The following NYAP2 variants were observed in gnomAD, a reference collection of about 807,000 sequenced individuals.
NYAP2 encodes the protein neuronal tyrosine-phosphorylated phosphoinositide-3-kinase adaptor 2, also known as neuronal tyrosine-phosphorylated phosphoinositide-3-kinase adapter 2.
A neutral mutation model predicts 50.4 loss-of-function variants in NYAP2; 23 were observed. The ratio of observed to expected loss-of-function variants is 0.46; its 90% CI spans 0.33 to 0.65. NYAP2 has a LOEUF of 0.65. NYAP2 is among the 30% of genes least tolerant of loss of function. The pLI is 0.02. For synonymous variants in NYAP2, 394 were observed against 365.2 expected, an observed-to-expected ratio of 1.08 and a Z score of -0.90; for missense variants, 885 against 861.0, an observed-to-expected ratio of 1.03 and a Z score of -0.35.
At chr2:225,653,389 T>G (rs1024673212) in exon 7 of NYAP2, 1 of 152,232 alleles carries the variant, frequency 6.6e-6, no homozygotes, top group Non-Finnish European at 1.5e-5. Context: ...ACTTCCAGAA[T>G]AGAGACAAGG....
chr2:225,463,795 A>T (rs558705904), intron 3 of NYAP2, among the ~76,000 whole-genome samples: 4 of 152,330 alleles, frequency 2.6e-5, no homozygotes, highest in Admixed American at 6.5e-5. Flanking sequence ...CAATAGCAGG[A>T]TAAGCACAGA....
intron 3 of NYAP2, among the ~76,000 whole-genome samples, chr2:225,483,792 G>A (rs376676579): frequency 6.6e-6 from 1 of 152,136 alleles, no homozygotes; most frequent in Admixed American, 6.5e-5. Context: ...AAATGTTATA[G>A]CCCTTTCCAT....
At chr2:225,695,948 T>C in the NYAP2 span, among the ~76,000 whole-genome samples, 1 of 151,960 alleles carries the variant, frequency 6.6e-6, no homozygotes, top group African/African-American at 2.4e-5. Context: ...GCAAGATATT[T>C]ATCTGAGAGT....
At chr2:225,410,994 C>T (rs1486765171) in intron 3 of NYAP2, among the ~76,000 whole-genome samples, 2 of 152,064 alleles carry the variant, frequency 1.3e-5, no homozygotes, top group Non-Finnish European at 2.9e-5. Context: ...ATGTTAATAG[C>T]ATAAAAGTAA....
intron 4 of NYAP2, among the ~76,000 whole-genome samples, chr2:225,524,721 C>T (rs1453073497): frequency 1.3e-5 from 2 of 152,030 alleles, no homozygotes; most frequent in African/African-American, 4.8e-5. Context: ...CAAAAGCAAA[C>T]ACAACAAAAA....
chr2:225,667,949 A>G, the NYAP2 span, among the ~76,000 whole-genome samples: 1 of 152,148 alleles, frequency 6.6e-6, no homozygotes, highest in African/African-American at 2.4e-5. Context: ...CTTCTAAACA[A>G]TCAAACTCAA....
intron 4 of NYAP2, among the ~76,000 whole-genome samples, chr2:225,563,893 G>T (rs1288686310): frequency 6.6e-6 from 1 of 151,958 alleles, no homozygotes; most frequent in African/African-American, 2.4e-5. Flanking sequence ...GATGTTTAAG[G>T]TATGACTTGG....
intron 5 of NYAP2, among the ~76,000 whole-genome samples, chr2:225,585,406 A>C (rs1692372313): frequency 6.6e-6 from 1 of 152,258 alleles, no homozygotes; most frequent in African/African-American, 2.4e-5. Context: ...TAACTAATGA[A>C]GCTATTTCAA....
In NYAP2 at chr2:225,582,103, C is replaced by G; in HGVS notation, c.686C>G (p.Ser229Cys). 2 of 1,614,004 alleles carry G rather than the reference C, an allele frequency of 1.2e-6. No individual in the cohort carries two copies. The highest frequency in any genetic ancestry group is 1.7e-6 in the Non-Finnish European group (2 of 1,179,876). Residue 229 changes from serine (S) to cysteine (C), a missense_variant, in exon 5 of 7, where the codon TCC becomes TGC. By Grantham distance (112) the Ser-to-Cys change is moderately radical. Coordinates refer to ENST00000636099, the Ensembl canonical transcript of NYAP2. The surrounding 1 kb of genome is among the most constrained non-coding windows in gnomAD (Gnocchi z 7.0). Reference sequence around the variant, plus strand: ...TCGCTGCCGCGGGACTCCTCCTTGTCCCAGATGGGCAGCCCCGCGGGAGAC... The same window carrying G: ...TCGCTGCCGCGGGACTCCTCCTTGTGCCAGATGGGCAGCCCCGCGGGAGAC...
intron 4 of NYAP2, among the ~76,000 whole-genome samples, chr2:225,551,073 C>T (rs79929759): frequency 0.011 from 1,727 of 152,236 alleles, 38 homozygotes; most frequent in African/African-American, 0.038. Context: ...ATTCCCATAA[C>T]GGGTCTTACT....
rs190287743 is a variant in NYAP2, at chr2:225,495,133, T to A, written c.222-18238T>A. Among the ~76,000 whole-genome samples the A allele has an allele frequency of 2.8e-4, 42 of 152,324 alleles. No individual in the cohort carries two copies. The East Asian group carries it at 8.1e-3, about 29-fold the overall frequency. ...CAATTATTCTACTAAAATAGTCTTG[T>A]AAATGCTCAGAACCATGTTGAGACC... is the stretch of plus-strand genomic sequence containing the variant. On this transcript the variant is annotated intron_variant, in intron 3 of 6. Transcript: ENST00000636099.
rs1695175170 is a variant in NYAP2, at chr2:225,419,195, G to A, written c.221+10094G>A. Among the ~76,000 whole-genome samples the A allele has an allele frequency of 9.2e-5, 14 of 152,132 alleles. No individual in the cohort carries two copies. The South Asian group carries it at 2.9e-3, about 32-fold the overall frequency. Reference sequence around the variant, plus strand: ...GGCAGAGATGACAGTCACAAATCCTGTAATACAAGAAGGAAGATAAAAGGC... The same window carrying A: ...GGCAGAGATGACAGTCACAAATCCTATAATACAAGAAGGAAGATAAAAGGC... On this transcript the variant is annotated intron_variant, in intron 3 of 6. Coordinates refer to ENST00000636099, the Ensembl canonical transcript of NYAP2.
intron 2 of NYAP2, among the ~76,000 whole-genome samples, chr2:225,407,240 A>G (rs1694956715): frequency 6.6e-6 from 1 of 152,022 alleles, no homozygotes; most frequent in Non-Finnish European, 1.5e-5. Context: ...GCATTAATTT[A>G]CTATTCTTCA....
chr2:225,602,317 A>G (rs1692706024), intron 5 of NYAP2, among the ~76,000 whole-genome samples: 2 of 152,206 alleles, frequency 1.3e-5, no homozygotes, highest in Non-Finnish European at 2.9e-5. Flanking sequence ...TATGTAAAAT[A>G]GGTGAAAAGT....
intron 4 of NYAP2, among the ~76,000 whole-genome samples, chr2:225,540,793 AT>A (rs1389922689): frequency 6.6e-6 from 1 of 152,134 alleles, no homozygotes; most frequent in Non-Finnish European, 1.5e-5. Flanking sequence ...ATTCTTTTGG[AT>A]ATATACTTAG....
intron 3 of NYAP2, among the ~76,000 whole-genome samples, chr2:225,432,606 T>G (rs1166979678): frequency 6.6e-6 from 1 of 152,114 alleles, no homozygotes; most frequent in African/African-American, 2.4e-5. Flanking sequence ...GAGCTGGAGT[T>G]ATATCTAATT....
chr2:225,555,022 A>G (rs1028873388), intron 4 of NYAP2, among the ~76,000 whole-genome samples: 1 of 152,224 alleles, frequency 6.6e-6, no homozygotes, highest in Non-Finnish European at 1.5e-5. Flanking sequence ...TTATAGCAAC[A>G]TACAGAAACT....
chr2:225,471,133 C>T (rs562132367), intron 3 of NYAP2, among the ~76,000 whole-genome samples: 1 of 152,290 alleles, frequency 6.6e-6, no homozygotes, highest in Admixed American at 6.5e-5. Flanking sequence ...CAGATGCTAG[C>T]CACTTTGCAA....
intron 3 of NYAP2, among the ~76,000 whole-genome samples, chr2:225,429,433 A>G (rs1222837711): frequency 6.6e-6 from 1 of 152,240 alleles, no homozygotes; most frequent in African/African-American, 2.4e-5. Context: ...AGATTTTCAC[A>G]AAGTTCAGTA....
Sources: allele counts gnomAD v4.1 joint callset (sites outside exome capture counted in the v4.1 genomes callset), GRCh38; gene constraint gnomAD v4.1.1; non-coding constraint Gnocchi (gnomAD v3.1); transcripts MANE v1.5; gene names NCBI Gene and HGNC (gene_info 2026-07-23, HGNC 2026-07-21).